CALN1: variants seen among roughly 807,000 people sequenced by gnomAD.
The protein encoded by CALN1 is calneuron 1, also known as calcium-binding protein 8.
Under a neutral mutation model 30.6 loss-of-function variants are expected in CALN1, and 17 were observed. The observed-to-expected ratio is 0.56, with a 90% CI of 0.38 to 0.83. The LOEUF (loss-of-function observed/expected upper bound fraction) is 0.83. Ranked by LOEUF, CALN1 falls within the 40% of genes least tolerant of loss-of-function variation. The probability of loss-of-function intolerance (pLI) is 0.00; values close to 1 mark genes in which losing one functional copy is unlikely to be tolerated. For synonymous variants in CALN1, 156 were observed against 131.4 expected, an observed-to-expected ratio of 1.19 and a Z score of -1.28; for missense variants, 291 against 354.9, an observed-to-expected ratio of 0.82 and a Z score of 1.45.
intron 2 of CALN1, among the ~76,000 whole-genome samples, chr7:72,375,152 G>A (rs1395967443): frequency 1.3e-5 from 2 of 152,172 alleles, no homozygotes; most frequent in African/African-American, 4.8e-5. Context: ...GCATTGTCTT[G>A]TAGTTTGTCT....
At chr7:71,880,392 C>A (rs578206983) in intron 5 of CALN1, among the ~76,000 whole-genome samples, 1 of 152,278 alleles carries the variant, frequency 6.6e-6, no homozygotes, top group Non-Finnish European at 1.5e-5. Flanking sequence ...TTCCCTTGCT[C>A]TCTGTGGCTG....
rs17581383 is a variant in CALN1 at position 72,237,763 on chromosome 7, C to T, written c.244+40923G>A. ...GAGAAACCCTTCCTTCTTCTAGCCC[C>T]TTCACAAATCCAGAGTTTCTCTGGC... On this transcript the variant is annotated intron_variant, in intron 3 of 6. Transcript: ENST00000395275. 8.8e-3 allele frequency among the ~76,000 whole-genome samples: 1,341 copies of T among 152,248 alleles called. 9 individuals carry two copies. Among genetic ancestry groups the T allele is most frequent in the Middle Eastern group, 0.017 (5 of 294 alleles).
chr7:72,350,419 G>A (rs1802861009), intron 2 of CALN1, among the ~76,000 whole-genome samples: 1 of 152,132 alleles, frequency 6.6e-6, no homozygotes, highest in South Asian at 2.1e-4. Context: ...AGAAAACGTG[G>A]CACATACACA....
In CALN1 at chr7:71,781,723, GA is replaced by G. The variant is rs1019886922; in HGVS notation, c.*6051del. Reference sequence around the variant, plus strand: ...TGGACAATAACTTCTAACAGTGCGAGAAACACTAGTTTGAAAGCCAACCCAT... The same window carrying G: ...TGGACAATAACTTCTAACAGTGCGAGAACACTAGTTTGAAAGCCAACCCAT... On this transcript the variant is annotated 3_prime_UTR_variant, in exon 7 of 7. Transcript: ENST00000395275. The G allele has an allele frequency of 2.6e-5, 4 of 152,310 alleles. No individual in the cohort carries two copies. The highest frequency in any genetic ancestry group is 9.6e-5 in the African/African-American group (4 of 41,568). 9.4% of individuals were successfully genotyped at this position (152,310 alleles called of 1,614,324 possible). A position where few individuals can be genotyped will look rare whatever the true frequency, so the allele number is the denominator to read the frequency against.
intron 2 of CALN1, among the ~76,000 whole-genome samples, chr7:72,395,911 G>A (rs770244901): frequency 6.6e-6 from 1 of 152,082 alleles, no homozygotes; most frequent in Non-Finnish European, 1.5e-5. Flanking sequence ...TTCCTGAAAA[G>A]CTTCTGATTT....
At position 71,906,085 on chromosome 7, in the gene CALN1, T is replaced by A. The variant is rs140822430; in HGVS notation, c.502-95593A>T. Among the ~76,000 whole-genome samples the A allele has an allele frequency of 5.9e-5, 9 of 152,262 alleles. No homozygotes were observed. The East Asian group carries it at 1.4e-3, about 23-fold the overall frequency. On this transcript the variant is annotated intron_variant, in intron 5 of 6. Coordinates refer to ENST00000395275, the MANE Select transcript of CALN1 (RefSeq NM_031468.4). ...CATGATTGAGTCACCTCCCACCAAG[T>A]TCCTCCCTCAATATCTGGGGATTAC...
intron 5 of CALN1, among the ~76,000 whole-genome samples, chr7:71,899,467 G>A (rs1793732565): frequency 6.6e-6 from 1 of 152,050 alleles, no homozygotes; most frequent in African/African-American, 2.4e-5. Flanking sequence ...AAAATGCCAA[G>A]AAATGCTAAC....
intron 6 of CALN1, among the ~76,000 whole-genome samples, chr7:71,804,732 T>G (rs1787506962): frequency 6.6e-6 from 1 of 152,114 alleles, no homozygotes; most frequent in Admixed American, 6.6e-5. Flanking sequence ...GGTGGGCAGA[T>G]GGGCAGATCA....
intron 3 of CALN1, among the ~76,000 whole-genome samples, chr7:72,204,123 G>C (rs1791653704): frequency 6.6e-6 from 1 of 150,578 alleles, no homozygotes; most frequent in African/African-American, 2.4e-5. Context: ...CCAGTAGCTG[G>C]GACTACAGGC....
intron 2 of CALN1, among the ~76,000 whole-genome samples, chr7:72,402,279 C>G (rs1280529666): frequency 6.6e-6 from 1 of 152,212 alleles, no homozygotes; most frequent in Non-Finnish European, 1.5e-5. Context: ...GCATCCTGTT[C>G]CTGGGTCCCA....
At chr7:72,157,375 C>G (rs568227305) in intron 3 of CALN1, among the ~76,000 whole-genome samples, 446 of 152,172 alleles carry the variant, frequency 2.9e-3, no homozygotes, top group African/African-American at 0.01. Flanking sequence ...CTTTAAGAGG[C>G]CAAGACAGGA....
chr7:72,093,538 T>C (rs1448086518), intron 4 of CALN1, among the ~76,000 whole-genome samples: 1 of 152,182 alleles, frequency 6.6e-6, no homozygotes. Context: ...TTAACTGTCA[T>C]CTGTGGTTTC....
In CALN1 at chr7:71,848,026, C is replaced by A. The variant is rs183453144; in HGVS notation, c.502-37534G>T. Reference sequence around the variant, plus strand: ...AATTACCCAGTCTCATCCAAAAACACCTGAACAGAAATACCCGCAATAGTG... The same window carrying A: ...AATTACCCAGTCTCATCCAAAAACAACTGAACAGAAATACCCGCAATAGTG... On this transcript the variant is annotated intron_variant, in intron 5 of 6. Transcript: ENST00000395275. Among the ~76,000 whole-genome samples, 324 of 152,192 alleles carry A rather than the reference C, an allele frequency of 2.1e-3. 2 individuals carry two copies. The highest frequency in any genetic ancestry group is 7.4e-3 in the African/African-American group (309 of 41,534).
chr7:72,241,022 C>A (rs1270219213), intron 3 of CALN1, among the ~76,000 whole-genome samples: 2 of 152,214 alleles, frequency 1.3e-5, no homozygotes, highest in South Asian at 2.1e-4. Context: ...TCTATATCTG[C>A]CCCTCTCAAT....
At chr7:72,390,481 T>C (rs1332425836) in intron 2 of CALN1, among the ~76,000 whole-genome samples, 1 of 151,946 alleles carries the variant, frequency 6.6e-6, no homozygotes, top group East Asian at 1.9e-4. Context: ...CCTGAGACAG[T>C]GAAACGTGGC....
intron 3 of CALN1, among the ~76,000 whole-genome samples, chr7:72,202,620 G>C (rs1791524662): frequency 6.6e-6 from 1 of 152,168 alleles, no homozygotes; most frequent in African/African-American, 2.4e-5. Flanking sequence ...CATCTACACA[G>C]TTGAGGGGAA....
the CALN1 span, among the ~76,000 whole-genome samples, chr7:72,478,296 A>T: frequency 6.9e-6 from 1 of 144,448 alleles, no homozygotes; most frequent in African/African-American, 2.7e-5. Flanking sequence ...CTTTATATAA[A>T]TAGTTATATT....
At chr7:71,962,831 GAA>G (rs1027555596) in intron 5 of CALN1, among the ~76,000 whole-genome samples, 15 of 152,084 alleles carry the variant, frequency 9.9e-5, no homozygotes, top group Admixed American at 9.8e-4. Context: ...AGGCCAAAAA[GAA>G]AAAAGACAAT....
At chr7:72,068,542 C>T (rs1804180238) in intron 4 of CALN1, among the ~76,000 whole-genome samples, 1 of 152,176 alleles carries the variant, frequency 6.6e-6, no homozygotes, top group South Asian at 2.1e-4. Flanking sequence ...AGCTGGAGTG[C>T]AGTGGCGAGA....
Sources: gnomAD v4.1 joint callset for allele counts (sites outside exome capture counted in the v4.1 genomes callset) on GRCh38, gnomAD v4.1.1 for gene constraint, MANE v1.5 for transcripts, NCBI Gene and HGNC (gene_info 2026-07-23, HGNC 2026-07-21) for gene names.